Variants in UBTD2 observed in about 807,000 individuals in gnomAD.
UBTD2 encodes ubiquitin domain containing 2, also known as ubiquitin domain-containing protein 2.
UBTD2 carries 9 observed loss-of-function variants against 19.8 expected under a neutral mutation model. The ratio of observed to expected loss-of-function variants is 0.46; its 90% CI spans 0.27 to 0.79. The LOEUF (loss-of-function observed/expected upper bound fraction) is 0.79, where lower values mean the gene tolerates loss of function less well. Ranked by LOEUF, UBTD2 falls within the 30% of genes least tolerant of loss-of-function variation. UBTD2 has a pLI of 0.14. For missense variants in UBTD2, 250 were observed against 300.4 expected, an observed-to-expected ratio of 0.83 and a Z score of 1.24; for synonymous variants, 98 against 103.9, an observed-to-expected ratio of 0.94 and a Z score of 0.35.
chr5:172,216,508 T>C (rs1167091683), intron 2 of UBTD2, among the ~76,000 whole-genome samples: 2 of 144,412 alleles, frequency 1.4e-5, no homozygotes, highest in Non-Finnish European at 3.0e-5. Context: ...ACTCCAGCAC[T>C]TTGCGAGGCC....
At chr5:172,271,348 G>C (rs1485202934) in intron 1 of UBTD2, among the ~76,000 whole-genome samples, 1 of 150,668 alleles carries the variant, frequency 6.6e-6, no homozygotes, top group Non-Finnish European at 1.5e-5. Flanking sequence ...AGAATGGCGT[G>C]ACCCCAGGAG....
chr5:172,269,642 G>A (rs912932223), intron 1 of UBTD2, among the ~76,000 whole-genome samples: 2 of 151,020 alleles, frequency 1.3e-5, no homozygotes, highest in African/African-American at 4.9e-5. Flanking sequence ...AAACCCAAGC[G>A]GTCTGAAGAA....
At chr5:172,233,907 T>C (rs1219887172) in intron 2 of UBTD2, among the ~76,000 whole-genome samples, 3 of 151,852 alleles carry the variant, frequency 2.0e-5, no homozygotes, top group Non-Finnish European at 4.4e-5. Flanking sequence ...TTAAGATATA[T>C]TTAAAAAATA....
intron 2 of UBTD2, 44 bp downstream of exon 2, chr5:172,234,078 A>G: frequency 6.3e-7 from 1 of 1,590,208 alleles, no homozygotes; most frequent in South Asian, 1.1e-5. Context: ...ATCAGAAACA[A>G]AGTTGATTAT....
At chr5:172,219,727 TA>T (rs1300152091) in intron 2 of UBTD2, among the ~76,000 whole-genome samples, 1 of 152,154 alleles carries the variant, frequency 6.6e-6, no homozygotes, top group African/African-American at 2.4e-5. Flanking sequence ...TGTGAAGTTG[TA>T]AAGAAGGAAA....
chr5:172,274,968 G>A (rs1224840308), intron 1 of UBTD2, among the ~76,000 whole-genome samples: 1 of 152,128 alleles, frequency 6.6e-6, no homozygotes, highest in Non-Finnish European at 1.5e-5. Context: ...CCCAGCAGGT[G>A]GAGTTTGCCG....
intron 1 of UBTD2, among the ~76,000 whole-genome samples, chr5:172,268,843 G>A (rs758561356): frequency 1.3e-5 from 2 of 152,174 alleles, no homozygotes; most frequent in Non-Finnish European, 2.9e-5. Flanking sequence ...GATAAGATCT[G>A]ATTTTGGGGA....
At chr5:172,263,051 C>T (rs193121835) in intron 1 of UBTD2, among the ~76,000 whole-genome samples, 2 of 152,028 alleles carry the variant, frequency 1.3e-5, no homozygotes, top group Non-Finnish European at 2.9e-5. Flanking sequence ...GATCCTCCCA[C>T]CTCAGCCCCC....
At chr5:172,234,997 G>A (rs926619404) in intron 1 of UBTD2, among the ~76,000 whole-genome samples, 1 of 152,178 alleles carries the variant, frequency 6.6e-6, no homozygotes, top group African/African-American at 2.4e-5. Context: ...TCAGGGAAAG[G>A]AGGCTATGTA....
intron 1 of UBTD2, among the ~76,000 whole-genome samples, chr5:172,279,574 C>T (rs987933735): frequency 1.3e-5 from 2 of 152,186 alleles, no homozygotes; most frequent in Non-Finnish European, 2.9e-5. Flanking sequence ...TAGGATATCA[C>T]TGAATGCACA....
rs1771410584 is a variant in UBTD2 at position 172,210,162 on chromosome 5, TA to T, written c.*1667del. 6.6e-6 allele frequency: 1 copy of T among 152,214 alleles called. No individual in the cohort carries two copies. The highest frequency in any genetic ancestry group is 6.5e-5 in the Admixed American group (1 of 15,278). The allele number at this position is 152,214 out of a possible 1,614,324, so 9.4% of individuals were successfully genotyped here. A position where few individuals can be genotyped will look rare whatever the true frequency, so the allele number is the denominator to read the frequency against. ...TTAAATTAGATATAGCCACAATCTT[TA>T]AAATGATTGCATAAAAATAAGGAAG... On this transcript the variant is annotated 3_prime_UTR_variant, in exon 3 of 3. Transcript: ENST00000393792.
At chr5:172,222,656 G>C (rs532910076) in intron 2 of UBTD2, among the ~76,000 whole-genome samples, 1 of 152,268 alleles carries the variant, frequency 6.6e-6, no homozygotes, top group Non-Finnish European at 1.5e-5. Flanking sequence ...TAAAGACACA[G>C]AATAGCAACG....
At chr5:172,251,314 C>CAAAAAAAAAAAAAAAAA (rs57577423) in intron 1 of UBTD2, among the ~76,000 whole-genome samples, 2 of 118,228 alleles carry the variant, frequency 1.7e-5, no homozygotes, top group African/African-American at 3.4e-5. Flanking sequence ...GAGCCTATCT[C>CAAAAAAAAAAAAAAAAA]AAAAAAAAAA....
rs149281472 is a variant in UBTD2, at chr5:172,262,601, C to T, written c.70+20995G>A. On this transcript the variant is annotated intron_variant, in intron 1 of 2. Coordinates refer to ENST00000393792, the MANE Select transcript of UBTD2 (RefSeq NM_152277.3). Reference sequence around the variant, plus strand: ...CCGAGGTAGACGGATCACTTGAGGCCAGGAGTTCGAGACCAGCCTCACCAA... The same window carrying T: ...CCGAGGTAGACGGATCACTTGAGGCTAGGAGTTCGAGACCAGCCTCACCAA... Among the ~76,000 whole-genome samples the T allele has an allele frequency of 9.3e-3, 1,413 of 151,936 alleles. 74 individuals carry two copies. The highest frequency in any genetic ancestry group is 0.077 in the Admixed American group (1,181 of 15,246).
intron 1 of UBTD2, among the ~76,000 whole-genome samples, chr5:172,242,661 G>A (rs1265926700): frequency 6.6e-6 from 1 of 152,164 alleles, no homozygotes; most frequent in African/African-American, 2.4e-5. Flanking sequence ...ACTTGGTTAA[G>A]GCAACTGAAT....
intron 1 of UBTD2, among the ~76,000 whole-genome samples, chr5:172,260,571 C>T (rs1755246713): frequency 6.6e-6 from 1 of 152,160 alleles, no homozygotes; most frequent in Admixed American, 6.6e-5. Context: ...AAAATACAAA[C>T]ACCCACAATA....
chr5:172,216,616 A>AT (rs1771547658), intron 2 of UBTD2, among the ~76,000 whole-genome samples: 1 of 150,118 alleles, frequency 6.7e-6, no homozygotes, highest in African/African-American at 2.4e-5. Context: ...AAAAAAAAAA[A>AT]AAAGCCAGAG....
At chr5:172,259,513 G>A (rs1289495171) in intron 1 of UBTD2, among the ~76,000 whole-genome samples, 1 of 151,938 alleles carries the variant, frequency 6.6e-6, no homozygotes, top group African/African-American at 2.4e-5. Context: ...TCATAGAAGA[G>A]AGAAGAGACT....
At chr5:172,255,811 G>A (rs1441239716) in intron 1 of UBTD2, among the ~76,000 whole-genome samples, 1 of 152,204 alleles carries the variant, frequency 6.6e-6, no homozygotes, top group East Asian at 1.9e-4. Context: ...GCAAGGGGCT[G>A]GGCGCAGTGG....
Sources: allele counts gnomAD v4.1 joint callset (sites outside exome capture counted in the v4.1 genomes callset), GRCh38; gene constraint gnomAD v4.1.1; transcripts MANE v1.5; gene names NCBI Gene and HGNC (gene_info 2026-07-23, HGNC 2026-07-21).